Variants in MTUS1 observed in about 807,000 individuals in gnomAD.
MTUS1 encodes microtubule-associated tumor suppressor 1.
MTUS1 carries 109 observed loss-of-function variants against 120.8 expected under a neutral mutation model. The ratio of observed to expected loss-of-function variants is 0.90; its 90% CI spans 0.77 to 1.06. The LOEUF (loss-of-function observed/expected upper bound fraction) is 1.06. MTUS1 is among the 50% of genes least tolerant of loss of function. The pLI is 0.00. For missense variants in MTUS1, 2,210 were observed against 1,486.3 expected (o/e 1.49, Z -8.01); for synonymous variants, 737 against 550.5 (o/e 1.34, Z -4.74).
intron 6 of MTUS1, among the ~76,000 whole-genome samples, chr8:17,685,400 CA>C (rs1815563920): frequency 6.6e-6 from 1 of 151,176 alleles, no homozygotes; most frequent in Non-Finnish European, 1.5e-5. Context: ...AACAGGACAT[CA>C]ATTGCTTAGG....
At chr8:17,759,514 G>T (rs1409127303) in intron 1 of MTUS1, among the ~76,000 whole-genome samples, 1 of 150,144 alleles carries the variant, frequency 6.7e-6, no homozygotes, top group Non-Finnish European at 1.5e-5. Flanking sequence ...CACAATCTTT[G>T]ACATCTGATC....
intron 8 of MTUS1, among the ~76,000 whole-genome samples, chr8:17,671,324 G>C (rs1811977094): frequency 6.7e-6 from 1 of 149,488 alleles, no homozygotes; most frequent in South Asian, 2.1e-4. Context: ...TATTTATCGA[G>C]TACCCAAGAA....
chr8:17,715,321 G>A (rs1295287972), intron 5 of MTUS1, among the ~76,000 whole-genome samples: 1 of 151,938 alleles, frequency 6.6e-6, no homozygotes, highest in Non-Finnish European at 1.5e-5. Context: ...CATAATCACA[G>A]CAAATAAAAA....
Position 17,651,522 on chromosome 8 carries a change from C to T in MTUS1, c.3385-1560G>A, listed in dbSNP as rs371540914. ...CATTTTATACAGTGTTACCCTTGTACGCAGGATTTTTTTTTTTTTTTTTAC... is the reference window on the plus strand; with the variant it reads ...CATTTTATACAGTGTTACCCTTGTATGCAGGATTTTTTTTTTTTTTTTTAC... On this transcript the variant is annotated intron_variant, in intron 12 of 14. Coordinates refer to ENST00000693296, the MANE Select transcript of MTUS1 (RefSeq NM_001363059.2). 31 of 148,708 alleles carry T rather than the reference C, an allele frequency of 2.1e-4. No homozygotes were observed. The East Asian group carries it at 2.7e-3, about 13-fold the overall frequency. 9.2% of individuals were successfully genotyped at this position (148,708 alleles called of 1,614,324 possible). A position where few individuals can be genotyped will look rare whatever the true frequency, so the allele number is the denominator to read the frequency against.
chr8:17,760,767 G>C (rs534205114), intron 1 of MTUS1, among the ~76,000 whole-genome samples: 1 of 138,164 alleles, frequency 7.2e-6, no homozygotes, highest in Non-Finnish European at 1.6e-5. Flanking sequence ...ACAAGATGCA[G>C]AAAGTTAAAA....
intron 14 of MTUS1, among the ~76,000 whole-genome samples, chr8:17,646,521 G>A (rs1237838152): frequency 6.6e-6 from 1 of 152,180 alleles, no homozygotes; most frequent in Non-Finnish European, 1.5e-5. Flanking sequence ...CTAGGAGGTG[G>A]AGGCTGCAGT....
chr8:17,768,563 A>C (rs989464155), intron 1 of MTUS1, among the ~76,000 whole-genome samples: 12 of 152,042 alleles, frequency 7.9e-5, no homozygotes, highest in Non-Finnish European at 1.5e-4. Flanking sequence ...ACCTCAACAA[A>C]AATATATCAC....
chr8:17,744,886 A>G (rs1385910048), intron 2 of MTUS1, among the ~76,000 whole-genome samples: 1 of 151,984 alleles, frequency 6.6e-6, no homozygotes, highest in Non-Finnish European at 1.5e-5. Flanking sequence ...TCCACCTATG[A>G]TCTGTAAGTC....
Position 17,755,190 on chromosome 8 carries a change from G to C in MTUS1, c.618C>G (p.Ser206=). The C allele has an allele frequency of 1.9e-6, 3 of 1,614,180 alleles. No individual in the cohort carries two copies. Among genetic ancestry groups the C allele is most frequent in the Non-Finnish European group, 1.7e-6 (2 of 1,180,030 alleles). Residue 206 remains serine (S), a synonymous_variant, in exon 2 of 15, where the codon TCC becomes TCG. Coordinates refer to ENST00000693296, the MANE Select transcript of MTUS1 (RefSeq NM_001363059.2). ...RSGSTSSLSY[S]TWTSSHSDKT... ...TATCAGAATGGGAAGATGTCCAAGT[G>C]GAATAGGATAAAGAAGATGTACTTC...
At chr8:17,704,974 A>G (rs973621229) in intron 6 of MTUS1, among the ~76,000 whole-genome samples, 1 of 151,896 alleles carries the variant, frequency 6.6e-6, no homozygotes, top group Non-Finnish European at 1.5e-5. Flanking sequence ...TACTGTTTCT[A>G]ATGATTTTTA....
At chr8:17,659,924 C>A (rs1290817391) in intron 8 of MTUS1, among the ~76,000 whole-genome samples, 3 of 152,128 alleles carry the variant, frequency 2.0e-5, no homozygotes, top group African/African-American at 7.2e-5. Context: ...ATTTTACTTT[C>A]TTTCTCTATG....
At chr8:17,653,752 G>A (rs1807573060) in intron 10 of MTUS1, 1 of 411,172 alleles carries the variant, frequency 2.4e-6, no homozygotes, top group East Asian at 4.6e-5. Flanking sequence ...CAGAGGCCAT[G>A]CGACCTTAGG....
chr8:17,710,004 CT>C (rs1180669494), intron 6 of MTUS1, among the ~76,000 whole-genome samples: 3 of 106,072 alleles, frequency 2.8e-5, no homozygotes, highest in Non-Finnish European at 7.1e-5. Flanking sequence ...AAGACTCTGT[CT>C]CAAAAAAAAA....
At chr8:17,668,671 T>A (rs1268303532) in intron 8 of MTUS1, among the ~76,000 whole-genome samples, 1 of 152,238 alleles carries the variant, frequency 6.6e-6, no homozygotes, top group Admixed American at 6.5e-5. Flanking sequence ...TTATTCTGAC[T>A]CTGCTTTAAA....
intron 8 of MTUS1, among the ~76,000 whole-genome samples, chr8:17,673,840 A>G (rs1812515987): frequency 1.3e-5 from 2 of 152,284 alleles, no homozygotes; most frequent in African/African-American, 2.4e-5. Context: ...AAATCCAGCA[A>G]ATCAGGTTGG....
chr8:17,675,104 C>T (rs1330696072), intron 8 of MTUS1, 82 bp downstream of exon 8: 1 of 1,595,836 alleles, frequency 6.3e-7, no homozygotes, highest in Non-Finnish European at 8.6e-7. Flanking sequence ...GCAACTCCAG[C>T]CACAACGCAG....
chr8:17,788,484 A>C (rs2051495110), intron 1 of MTUS1, among the ~76,000 whole-genome samples: 1 of 152,172 alleles, frequency 6.6e-6, no homozygotes, highest in South Asian at 2.1e-4. Flanking sequence ...TTACTGTTAC[A>C]TCCTGAACAT....
intron 6 of MTUS1, among the ~76,000 whole-genome samples, chr8:17,702,987 G>A (rs146129734): frequency 1.3e-5 from 2 of 152,158 alleles, no homozygotes; most frequent in African/African-American, 2.4e-5. Context: ...ATCTTTGTAA[G>A]CTGAGGATGT....
intron 4 of MTUS1, chr8:17,721,954 T>C (rs146888249): frequency 1.3e-6 from 2 of 1,553,234 alleles, no homozygotes; most frequent in Non-Finnish European, 1.7e-6. Flanking sequence ...ATGTTCACTC[T>C]CATATCCCTC....
Sources: gnomAD v4.1 joint callset for allele counts (sites outside exome capture counted in the v4.1 genomes callset) on GRCh38, gnomAD v4.1.1 for gene constraint, MANE v1.5 for transcripts, NCBI Gene and HGNC (gene_info 2026-07-23, HGNC 2026-07-21) for gene names.